Variants in ERO1A observed in about 807,000 individuals in gnomAD.
ERO1A encodes the protein ERO1-like protein alpha.
In ERO1A, 49 loss-of-function variants were observed where a neutral mutation model predicts 76.9. The observed-to-expected ratio is 0.64, with a 90% confidence interval of 0.51 to 0.81. The LOEUF is 0.81. Ranked by LOEUF, ERO1A falls within the 30% of genes least tolerant of loss-of-function variation. The pLI, the probability that ERO1A is intolerant of heterozygous loss-of-function variation, is 0.00. For synonymous variants in ERO1A, 174 were observed against 181.2 expected (o/e 0.96, Z 0.32); for missense variants, 448 against 542.1 (o/e 0.83, Z 1.72).
chr14:52,695,354 C>A lies in ERO1A; in HGVS notation c.114+14G>T, dbSNP rs370881125. The A allele has an allele frequency of 5.1e-4, 724 of 1,424,304 alleles. No individual in the cohort carries two copies. Among genetic ancestry groups the A allele is most frequent in the Non-Finnish European group, 6.3e-4 (676 of 1,075,532 alleles). The allele number at this position is 1,424,304 out of a possible 1,614,324, so 88.2% of individuals were successfully genotyped here. ...GGCGCCGGGACCCTCAGCACCAACG[C>A]GCACATCGCTCACCTGGCAGAAGCA... On this transcript the variant is annotated intron_variant, in intron 1 of 15. Transcript: ENST00000395686.
intron 8 of ERO1A, among the ~76,000 whole-genome samples, chr14:52,662,655 G>A (rs878935840): frequency 6.6e-6 from 1 of 152,166 alleles, no homozygotes; most frequent in Non-Finnish European, 1.5e-5. Flanking sequence ...TAGGGTTTTT[G>A]TAAATTTTAA....
rs971400209 is a variant in ERO1A at position 52,666,535 on chromosome 14, A to G, written c.509-40T>C. ...GTCTTATTAAACCTTTCTTATCCTC[A>G]GTTACCTTAAAAAGCTACTACACAA... On this transcript the variant is annotated intron_variant, in intron 6 of 15. Coordinates refer to ENST00000395686, the MANE Select transcript of ERO1A (RefSeq NM_014584.3). 1.9e-5 allele frequency: 30 copies of G among 1,560,302 alleles called. No individual in the cohort carries two copies. The Admixed American group carries it at 3.8e-4, about 20-fold the overall frequency.
Position 52,663,908 on chromosome 14 carries a change from A to G in ERO1A, c.630-61T>C, listed in dbSNP as rs2040316223. 1.0e-5 allele frequency: 10 copies of G among 995,052 alleles called. No individual in the cohort carries two copies. In the South Asian group the frequency reaches 1.3e-4, roughly 13 times the overall value. 61.6% of individuals were successfully genotyped at this position (995,052 alleles called of 1,614,324 possible). On this transcript the variant is annotated intron_variant, in intron 7 of 15. Transcript: ENST00000395686. ...TATGTTACCAATCATGTTATATTTA[A>G]GTGATATTATCTCAGAAAACTGCTT...
At chr14:52,644,234 A>T (rs2039568495) in intron 15 of ERO1A, among the ~76,000 whole-genome samples, 1 of 152,152 alleles carries the variant, frequency 6.6e-6, no homozygotes, top group Non-Finnish European at 1.5e-5. Context: ...CGAGCAGACC[A>T]CTTGAGTCCA....
At chr14:52,646,703 A>G (rs2039670114) in intron 13 of ERO1A, 2 of 353,752 alleles carry the variant, frequency 5.7e-6, no homozygotes, top group Non-Finnish European at 1.0e-5. Context: ...GTAAAAAACA[A>G]GATTCAGAGT....
In ERO1A at chr14:52,653,221, A is replaced by C; in HGVS notation, c.903T>G (p.Leu301=). The C allele has an allele frequency of 6.2e-7, 1 of 1,613,040 alleles. No individual in the cohort carries two copies. Among genetic ancestry groups the C allele is most frequent in the African/African-American group, 1.3e-5 (1 of 75,018 alleles). ...TTAAGTAGAGAAAATACAAGTTCTT[A>C]AGCCTTCTTGGACCTTCTCCTTCAG... The part of the protein sequence containing the change: ...ILTEGEGPRR[L]KNLYFLYLIE... Residue 301 remains leucine, a synonymous_variant, in exon 12 of 16, where the codon CTT becomes CTG. Transcript: ENST00000395686.
intron 6 of ERO1A, among the ~76,000 whole-genome samples, chr14:52,669,796 T>C (rs1422480913): frequency 6.6e-6 from 1 of 152,228 alleles, no homozygotes; most frequent in Non-Finnish European, 1.5e-5. Flanking sequence ...GGCTACGGTT[T>C]CCATTAAGGA....
At chr14:52,684,998 T>C (rs57755184) in intron 1 of ERO1A, among the ~76,000 whole-genome samples, 2,860 of 152,240 alleles carry the variant, frequency 0.019, 77 homozygotes, top group African/African-American at 0.064. Context: ...TATACTTTGG[T>C]CTAGATATCT....
At chr14:52,669,986 A>G (rs1027524775) in intron 6 of ERO1A, among the ~76,000 whole-genome samples, 5 of 152,186 alleles carry the variant, frequency 3.3e-5, no homozygotes, top group Admixed American at 6.5e-5. Context: ...CAGTGGTGCA[A>G]TCAGAGCTCA....
chr14:52,693,690 G>T (rs1271992519), intron 1 of ERO1A, among the ~76,000 whole-genome samples: 2 of 151,598 alleles, frequency 1.3e-5, no homozygotes, highest in Non-Finnish European at 2.9e-5. Flanking sequence ...AGAGACGGGG[G>T]TTTCACTATG....
chr14:52,650,776 T>G (rs896813542), intron 13 of ERO1A, among the ~76,000 whole-genome samples: 2 of 152,194 alleles, frequency 1.3e-5, no homozygotes, highest in Admixed American at 1.3e-4. Flanking sequence ...GTGCACATAA[T>G]GAGTGTGTAA....
chr14:52,686,862 G>A (rs370904777), intron 1 of ERO1A, among the ~76,000 whole-genome samples: 126 of 150,976 alleles, frequency 8.3e-4, no homozygotes, highest in African/African-American at 2.9e-3. Flanking sequence ...GTGACAGAGC[G>A]AGACTCCATC....
At chr14:52,649,831 T>C (rs2039795140) in intron 13 of ERO1A, among the ~76,000 whole-genome samples, 1 of 152,142 alleles carries the variant, frequency 6.6e-6, no homozygotes, top group Non-Finnish European at 1.5e-5. Context: ...AAGTATTATC[T>C]AACAGCAAAA....
intron 13 of ERO1A, chr14:52,646,670 A>T: frequency 2.2e-6 from 1 of 449,998 alleles, no homozygotes. Context: ...GGTAGTTATT[A>T]TTATAATCTA....
intron 4 of ERO1A, among the ~76,000 whole-genome samples, chr14:52,672,536 A>T (rs1180749538): frequency 6.6e-6 from 1 of 152,036 alleles, no homozygotes; most frequent in African/African-American, 2.4e-5. Context: ...TGGAAGGCCA[A>T]AGTGGAAAGT....
intron 11 of ERO1A, among the ~76,000 whole-genome samples, chr14:52,657,487 A>C (rs2040090500): frequency 6.6e-6 from 1 of 152,218 alleles, no homozygotes; most frequent in Non-Finnish European, 1.5e-5. Context: ...GTACTGATGA[A>C]AATCAACCAC....
At chr14:52,644,636 TATC>T (rs768386141) in intron 15 of ERO1A, among the ~76,000 whole-genome samples, 1 of 152,110 alleles carries the variant, frequency 6.6e-6, no homozygotes, top group Admixed American at 6.6e-5. Flanking sequence ...AACACAGAAA[TATC>T]ATTTTTAAAT....
intron 9 of ERO1A, chr14:52,658,405 G>A (rs1253644880): frequency 2.8e-6 from 1 of 357,312 alleles, no homozygotes; most frequent in Non-Finnish European, 5.0e-6. Flanking sequence ...TAACGTTCTG[G>A]TTAAAGTGTT....
intron 15 of ERO1A, among the ~76,000 whole-genome samples, chr14:52,644,233 C>T (rs995326422): frequency 1.3e-5 from 2 of 152,002 alleles, no homozygotes; most frequent in African/African-American, 4.8e-5. Context: ...GCGAGCAGAC[C>T]ACTTGAGTCC....
Sources: allele counts gnomAD v4.1 joint callset (sites outside exome capture counted in the v4.1 genomes callset), GRCh38; gene constraint gnomAD v4.1.1; transcripts MANE v1.5; gene names NCBI Gene and HGNC (gene_info 2026-07-23, HGNC 2026-07-21).